The following MAP4 variants were observed in gnomAD, a reference collection of about 807,000 sequenced individuals.
MAP4 encodes the protein microtubule-associated protein 4.
A neutral mutation model predicts 170.2 loss-of-function variants in MAP4; 76 were observed. The observed-to-expected ratio is 0.45, with a 90% CI of 0.37 to 0.54. The LOEUF is 0.54. Among genes scored for constraint, MAP4 ranks in the 20% least tolerant of loss-of-function variants. MAP4 has a pLI of 0.00. For missense variants in MAP4, 2,506 were observed against 2,748.0 expected (o/e 0.91, Z 1.97); for synonymous variants, 909 against 994.5 (o/e 0.91, Z 1.62).
chr3:47,929,958 A>G (rs60446735), intron 3 of MAP4, among the ~76,000 whole-genome samples: 56,257 of 151,516 alleles, frequency 0.37, 11,404 homozygotes, highest in African/African-American at 0.54. Context: ...GTGACACCCC[A>G]TCTCTACTAA....
At chr3:47,927,158 CAAAAA>C (rs544565652) in intron 4 of MAP4, among the ~76,000 whole-genome samples, 2 of 105,758 alleles carry the variant, frequency 1.9e-5, no homozygotes, top group Admixed American at 1.0e-4. Flanking sequence ...GACTCTGTCT[CAAAAA>C]AAAAAAAAAA....
chr3:47,894,996 A>G (rs1433107603), intron 10 of MAP4, among the ~76,000 whole-genome samples: 1 of 150,650 alleles, frequency 6.6e-6, no homozygotes, highest in Non-Finnish European at 1.5e-5. Flanking sequence ...ACTGCACTCC[A>G]GCCTGGGTGA....
At chr3:48,087,980 C>T (rs1361540917) in intron 1 of MAP4, among the ~76,000 whole-genome samples, 1 of 152,134 alleles carries the variant, frequency 6.6e-6, no homozygotes, top group African/African-American at 2.4e-5. Context: ...TCAATCACTG[C>T]CTCTTCCCCA....
chr3:48,039,791 T>G (rs2100120691), intron 1 of MAP4, among the ~76,000 whole-genome samples: 1 of 152,172 alleles, frequency 6.6e-6, no homozygotes, highest in Non-Finnish European at 1.5e-5. Context: ...TGCACTAAGT[T>G]AAAGGTTAAA....
At chr3:47,920,190 C>T (rs756742029) in intron 5 of MAP4, among the ~76,000 whole-genome samples, 6 of 151,830 alleles carry the variant, frequency 4.0e-5, no homozygotes, top group African/African-American at 1.2e-4. Flanking sequence ...AGGCTGGTCT[C>T]GAACTCCTGA....
At chr3:48,049,932 C>T (rs879544130) in intron 1 of MAP4, among the ~76,000 whole-genome samples, 2 of 149,954 alleles carry the variant, frequency 1.3e-5, no homozygotes, top group Non-Finnish European at 3.0e-5. Context: ...AGTGAGACTT[C>T]GTCTGGGAAA....
At chr3:47,987,270 A>C in intron 2 of MAP4, 1 of 713,236 alleles carries the variant, frequency 1.4e-6, no homozygotes, top group Non-Finnish European at 2.1e-6. Context: ...AGTAAACAAA[A>C]TATTATTCCT....
chr3:47,884,813 A>G (rs1402667841), intron 10 of MAP4, among the ~76,000 whole-genome samples: 2 of 152,108 alleles, frequency 1.3e-5, no homozygotes, highest in Non-Finnish European at 2.9e-5. Context: ...AAGGAAGTAG[A>G]GGTTCTGAAA....
chr3:47,880,769 T>C (rs1467803432), intron 10 of MAP4, among the ~76,000 whole-genome samples: 1 of 152,208 alleles, frequency 6.6e-6, no homozygotes, highest in African/African-American at 2.4e-5. Flanking sequence ...CATCATAATT[T>C]CAATCTTTTA....
At position 47,914,694 on chromosome 3, in the gene MAP4, T is replaced by C. The variant is rs563636534; in HGVS notation, c.1999+123A>G. 69 of 1,150,498 alleles carry C rather than the reference T, an allele frequency of 6.0e-5. 1 individual carries two copies. The highest frequency in any genetic ancestry group is 2.2e-4 in the South Asian group (14 of 64,912). 71.3% of individuals were successfully genotyped at this position (1,150,498 alleles called of 1,614,324 possible). A position where few individuals can be genotyped will look rare whatever the true frequency, so the allele number is the denominator to read the frequency against. On this transcript the variant is annotated intron_variant, in intron 8 of 20. Transcript: ENST00000683076. The stretch of plus-strand genomic sequence containing the variant: ...ACCAGATAAAATCTGTCTAAGAGAA[T>C]TGACTTCATAAACTATACTGCTGAT...
chr3:48,072,445 G>A lies in MAP4; in HGVS notation c.-20+16328C>T, dbSNP rs1001013804. Reference sequence around the variant, plus strand: ...GAACCCAGGAAGCAGAGGCTGCAGTGAGCCAAGAAGGCGCCACTGCACTCC... The same window carrying A: ...GAACCCAGGAAGCAGAGGCTGCAGTAAGCCAAGAAGGCGCCACTGCACTCC... On this transcript the variant is annotated intron_variant, in intron 1 of 18. Coordinates refer to the MAP4 transcript ENST00000360240. 5.3e-5 allele frequency among the ~76,000 whole-genome samples: 8 copies of A among 152,178 alleles called. No homozygotes were observed. In the South Asian group the frequency reaches 6.2e-4, roughly 12 times the overall value.
At chr3:47,921,708 G>C (rs2100042947) in intron 5 of MAP4, 57 bp downstream of exon 5, 1 of 1,002,046 alleles carries the variant, frequency 1.0e-6, no homozygotes, top group Non-Finnish European at 1.6e-6. Flanking sequence ...CCAAAGATGA[G>C]TAAAGAAAAA....
At chr3:48,075,974 C>CAA (rs60556044) in intron 1 of MAP4, among the ~76,000 whole-genome samples, 19 of 47,520 alleles carry the variant, frequency 4.0e-4, no homozygotes, top group East Asian at 4.0e-3. Context: ...AACTCCATCT[C>CAA]AAAAAAAAAA....
Position 48,055,888 on chromosome 3 carries a change from C to T in MAP4, c.-20+32885G>A, listed in dbSNP as rs1304151131. 1.8e-4 allele frequency among the ~76,000 whole-genome samples: 13 copies of T among 74,282 alleles called. 1 individual carries two copies. The highest frequency in any genetic ancestry group is 2.5e-4 in the Non-Finnish European group (7 of 28,274). 48.7% of individuals were successfully genotyped at this position (74,282 alleles called of 152,430 possible). A position where few individuals can be genotyped will look rare whatever the true frequency, so the allele number is the denominator to read the frequency against. The stretch of plus-strand genomic sequence containing the variant: ...CTGGGATGTGAGGAGCGCCTCTGCC[C>T]GGCCGAGACCCCGTCTGGGAGGTGA... On this transcript the variant is annotated intron_variant, in intron 1 of 18. Transcript: ENST00000360240.
Position 48,040,254 on chromosome 3 carries a change from A to C in MAP4, c.-19-41375T>G, listed in dbSNP as rs74602647. 2.5e-3 allele frequency among the ~76,000 whole-genome samples: 373 copies of C among 152,158 alleles called. 17 individuals carry two copies. In the East Asian group the frequency reaches 0.065, roughly 26 times the overall value. ...TTAAGGTTTTAAATTTGACAAAATC[A>C]TATTATTTATTTTTATTTTTTTATT... On this transcript the variant is annotated intron_variant, in intron 1 of 18. Coordinates refer to the MAP4 transcript ENST00000360240.
upstream of MAP4, among the ~76,000 whole-genome samples, chr3:48,020,657 A>G (rs1197048381): frequency 6.6e-6 from 1 of 152,248 alleles, no homozygotes; most frequent in Non-Finnish European, 1.5e-5. Context: ...AGTTATTAGT[A>G]ACATAACTTT....
At chr3:47,939,382 T>C (rs924037813) in intron 3 of MAP4, among the ~76,000 whole-genome samples, 1 of 152,218 alleles carries the variant, frequency 6.6e-6, no homozygotes, top group South Asian at 2.1e-4. Flanking sequence ...GAAAATACTG[T>C]GCTTTTACTA....
chr3:47,944,626 C>T lies in MAP4; in HGVS notation c.293-16276G>A, dbSNP rs1033723420. On this transcript the variant is annotated intron_variant, in intron 3 of 20. Transcript: ENST00000683076. ...CCTTTCCAAGGACAGCAAATATGCC[C>T]TTTATCACCTTCTTGCCACCCAGTC... 2.6e-5 allele frequency among the ~76,000 whole-genome samples: 4 copies of T among 152,034 alleles called. No homozygotes were observed. In the South Asian group the frequency reaches 8.3e-4, roughly 32 times the overall value.
intron 3 of MAP4, among the ~76,000 whole-genome samples, chr3:47,972,902 A>G (rs1246604186): frequency 1.3e-5 from 2 of 152,088 alleles, no homozygotes; most frequent in African/African-American, 2.4e-5. Context: ...AAAAAAGAAA[A>G]AAGAAAAAAA....
Sources: allele counts gnomAD v4.1 joint callset (sites outside exome capture counted in the v4.1 genomes callset), GRCh38; gene constraint gnomAD v4.1.1; transcripts MANE v1.5; gene names NCBI Gene and HGNC (gene_info 2026-07-23, HGNC 2026-07-21).